FOCAD: variants seen among roughly 807,000 people sequenced by gnomAD.
The protein encoded by FOCAD is focadhesin.
In FOCAD, 198 loss-of-function variants were observed where a neutral mutation model predicts 225.6. The observed-to-expected ratio is 0.88, with a 90% CI of 0.78 to 0.99. The LOEUF (loss-of-function observed/expected upper bound fraction) is 0.99, where lower values mean the gene tolerates loss of function less well. Among genes scored for constraint, FOCAD ranks in the 50% least tolerant of loss-of-function variants. The pLI is 0.00. For synonymous variants in FOCAD, 897 were observed against 755.0 expected (o/e 1.19, Z -3.08); for missense variants, 2,713 against 2,123.6 (o/e 1.28, Z -5.46).
intron 35 of FOCAD, chr9:20,957,704 A>C (rs745680871): frequency 3.1e-4 from 11 of 35,670 alleles, no homozygotes; most frequent in Non-Finnish European, 5.5e-4. Context: ...TTTTTTTTTT[A>C]GTGGGGTTTT....
At chr9:20,707,509 G>T (rs1036640794) in intron 1 of FOCAD, among the ~76,000 whole-genome samples, 13 of 152,070 alleles carry the variant, frequency 8.5e-5, no homozygotes, top group Non-Finnish European at 1.8e-4. Flanking sequence ...TAGTCTTATG[G>T]ATATTATAAA....
intron 27 of FOCAD, among the ~76,000 whole-genome samples, chr9:20,931,023 G>A (rs775279158): frequency 3.9e-5 from 6 of 152,184 alleles, no homozygotes; most frequent in Non-Finnish European, 8.8e-5. Context: ...AGCCGTAGCA[G>A]TTTAATTCTA....
In FOCAD at chr9:20,778,073, G is replaced by T. The variant is rs1200537549; in HGVS notation, c.907-608G>T. ...CCACAGCACTCCCGCCTGGGCGACAGAACGAGACTCCGTCTCAAAAAAAAA... is the reference window on the plus strand; with the variant it reads ...CCACAGCACTCCCGCCTGGGCGACATAACGAGACTCCGTCTCAAAAAAAAA... On this transcript the variant is annotated intron_variant, in intron 8 of 43. Coordinates refer to ENST00000338382, the MANE Select transcript of FOCAD (RefSeq NM_001375567.1). 2.9e-5 allele frequency among the ~76,000 whole-genome samples: 3 copies of T among 104,348 alleles called. 1 individual carries two copies. The highest frequency in any genetic ancestry group is 1.1e-4 in the African/African-American group (3 of 26,866). 68.5% of individuals were successfully genotyped at this position (104,348 alleles called of 152,430 possible).
chr9:20,729,499 A>T (rs1253017414), intron 4 of FOCAD, among the ~76,000 whole-genome samples: 1 of 152,244 alleles, frequency 6.6e-6, no homozygotes, highest in South Asian at 2.1e-4. Context: ...CCCTATTTCC[A>T]TATAAGGTCA....
At chr9:20,989,569 A>T (rs1406118535) in intron 41 of FOCAD, among the ~76,000 whole-genome samples, 1 of 152,198 alleles carries the variant, frequency 6.6e-6, no homozygotes, top group South Asian at 2.1e-4. Flanking sequence ...CTATAGTCCC[A>T]GCCACTTGGG....
intron 30 of FOCAD, 92 bp from the exon 31 acceptor site, chr9:20,948,179 A>T (rs1837361489): frequency 8.4e-7 from 1 of 1,197,096 alleles, no homozygotes; most frequent in African/African-American, 1.5e-5. Flanking sequence ...GAAAGTTAGC[A>T]CTAAAAGTGT....
intron 28 of FOCAD, among the ~76,000 whole-genome samples, chr9:20,934,508 A>G (rs1276494384): frequency 2.0e-5 from 3 of 148,132 alleles, no homozygotes; most frequent in African/African-American, 7.4e-5. Context: ...TCCTTTACCC[A>G]CTTGATGTTT....
chr9:20,732,482 G>A (rs1428085928), intron 4 of FOCAD, among the ~76,000 whole-genome samples: 2 of 152,188 alleles, frequency 1.3e-5, no homozygotes, highest in Non-Finnish European at 2.9e-5. Flanking sequence ...AGTGAGGGGA[G>A]AGTGGTATGA....
At chr9:20,968,428 A>ATT (rs1839457556) in intron 35 of FOCAD, among the ~76,000 whole-genome samples, 6 of 34,794 alleles carry the variant, frequency 1.7e-4, no homozygotes, top group Middle Eastern at 0.018. Flanking sequence ...GTATTTTCTT[A>ATT]TTCTTTTTTT....
At chr9:20,663,248 C>G (rs1821788715) in intron 2 of FOCAD, among the ~76,000 whole-genome samples, 1 of 151,962 alleles carries the variant, frequency 6.6e-6, no homozygotes, top group African/African-American at 2.4e-5. Flanking sequence ...AAAAATTAGT[C>G]AGACATGGTG....
intron 19 of FOCAD, among the ~76,000 whole-genome samples, chr9:20,879,293 C>T (rs1413894593): frequency 1.3e-5 from 2 of 152,140 alleles, no homozygotes; most frequent in African/African-American, 2.4e-5. Context: ...ATTCCCTCCC[C>T]AGGATTAGGC....
At chr9:20,916,597 T>C (rs1164896847) in intron 23 of FOCAD, among the ~76,000 whole-genome samples, 1 of 152,222 alleles carries the variant, frequency 6.6e-6, no homozygotes, top group Non-Finnish European at 1.5e-5. Context: ...TAATGGACAC[T>C]TGTATACTCA....
At chr9:20,855,814 A>T (rs1410891390) in intron 15 of FOCAD, among the ~76,000 whole-genome samples, 1 of 123,276 alleles carries the variant, frequency 8.1e-6, no homozygotes, top group Non-Finnish European at 1.9e-5. Context: ...TTTTTTTTTA[A>T]CACTTCCACA....
At chr9:20,988,306 G>C in intron 40 of FOCAD, 26 bp from the exon 41 acceptor site, 2 of 1,440,424 alleles carry the variant, frequency 1.4e-6, no homozygotes, top group Non-Finnish European at 1.9e-6. Flanking sequence ...CCATGGTCTA[G>C]TAAGAAAATA....
At chr9:20,849,868 A>C (rs1028255967) in intron 15 of FOCAD, among the ~76,000 whole-genome samples, 3 of 151,878 alleles carry the variant, frequency 2.0e-5, no homozygotes, top group African/African-American at 7.2e-5. Flanking sequence ...TCTACTTGTA[A>C]ATCTTTCTTA....
chr9:20,742,939 A>G (rs1318182156), intron 5 of FOCAD, among the ~76,000 whole-genome samples: 1 of 152,192 alleles, frequency 6.6e-6, no homozygotes, highest in Non-Finnish European at 1.5e-5. Flanking sequence ...ATGTTTATGG[A>G]GAGCCCTTAT....
At chr9:20,668,722 G>T (rs865890078) in intron 2 of FOCAD, among the ~76,000 whole-genome samples, 3 of 152,206 alleles carry the variant, frequency 2.0e-5, no homozygotes, top group Middle Eastern at 3.2e-3. Context: ...CCTACAGCTT[G>T]TATTAGCCTT....
intron 26 of FOCAD, 40 bp downstream of exon 26, chr9:20,926,457 A>G (rs1402910233): frequency 7.9e-7 from 1 of 1,262,782 alleles, no homozygotes; most frequent in Non-Finnish European, 1.2e-6. Context: ...AAACTCAAGA[A>G]TTGACTCTTA....
rs542657372 is a variant in FOCAD, at chr9:20,765,912, T to C, written c.699+839T>C. ...CGATCACTTGAGGTCACACATGACCTGCTTTAAGTTTGTGTTAGCAGGGAG... is the reference window on the plus strand; with the variant it reads ...CGATCACTTGAGGTCACACATGACCCGCTTTAAGTTTGTGTTAGCAGGGAG... On this transcript the variant is annotated intron_variant, in intron 7 of 43. Transcript: ENST00000338382. Among the ~76,000 whole-genome samples the C allele has an allele frequency of 2.0e-5, 3 of 152,344 alleles. No individual in the cohort carries two copies. In the East Asian group the frequency reaches 5.8e-4, roughly 29 times the overall value.
Sources: allele counts gnomAD v4.1 joint callset (sites outside exome capture counted in the v4.1 genomes callset), GRCh38; gene constraint gnomAD v4.1.1; transcripts MANE v1.5; gene names NCBI Gene and HGNC (gene_info 2026-07-23, HGNC 2026-07-21).